The following TENM4 variants were observed in gnomAD, a reference collection of about 807,000 sequenced individuals.
TENM4 encodes teneurin-4.
In TENM4, 82 loss-of-function variants were observed where a neutral mutation model predicts 243.3. That is an observed-to-expected ratio of 0.34 (90% confidence interval 0.28 to 0.40). The LOEUF (loss-of-function observed/expected upper bound fraction) is 0.40. Ranked by LOEUF, TENM4 falls within the 10% of genes least tolerant of loss-of-function variation. The probability of loss-of-function intolerance (pLI) is 1.00; values close to 1 mark genes in which losing one functional copy is unlikely to be tolerated. For synonymous variants in TENM4, 1,412 were observed against 1,456.3 expected (o/e 0.97, Z 0.69); for missense variants, 3,138 against 3,673.3 (o/e 0.85, Z 3.77).
intron 12 of TENM4, among the ~76,000 whole-genome samples, chr11:78,842,155 C>T (rs544754944): frequency 1.3e-5 from 2 of 152,338 alleles, no homozygotes; most frequent in East Asian, 3.9e-4. Context: ...CAACAACTAA[C>T]TTCCACTGGG....
chr11:78,716,428 A>G (rs895921457), intron 25 of TENM4, among the ~76,000 whole-genome samples: 4 of 152,176 alleles, frequency 2.6e-5, no homozygotes, highest in Non-Finnish European at 5.9e-5. Context: ...TGTCTTTTGG[A>G]TGAAACCTTG....
At chr11:79,072,091 C>T (rs1199177124) in intron 4 of TENM4, among the ~76,000 whole-genome samples, 2 of 152,254 alleles carry the variant, frequency 1.3e-5, no homozygotes, top group East Asian at 3.9e-4. Context: ...AGATGATAGT[C>T]CTCTGAGTGT....
intron 16 of TENM4, 30 bp downstream of exon 16, chr11:78,786,868 A>C: frequency 6.3e-7 from 1 of 1,580,338 alleles, no homozygotes; most frequent in Non-Finnish European, 8.6e-7. Context: ...CAGACCAGAG[A>C]AGGTACCCGG....
At chr11:79,206,371 T>G (rs578248211) in intron 3 of TENM4, among the ~76,000 whole-genome samples, 3 of 152,322 alleles carry the variant, frequency 2.0e-5, no homozygotes, top group African/African-American at 7.2e-5. Context: ...GAGAGCTTTC[T>G]TCTAATTTGA....
At chr11:79,152,721 A>G (rs868512680) in intron 3 of TENM4, among the ~76,000 whole-genome samples, 6 of 152,202 alleles carry the variant, frequency 3.9e-5, no homozygotes, top group East Asian at 1.9e-4. Flanking sequence ...CTGATGTCCA[A>G]TGGATATGCA....
At chr11:79,342,308 G>T (rs761057659) in intron 1 of TENM4, among the ~76,000 whole-genome samples, 30 of 152,200 alleles carry the variant, frequency 2.0e-4, no homozygotes, top group Non-Finnish European at 3.1e-4. Context: ...GCGATGAGAT[G>T]AGGAGAGGGC....
At chr11:79,011,610 G>A (rs1201970408) in intron 6 of TENM4, among the ~76,000 whole-genome samples, 1 of 152,226 alleles carries the variant, frequency 6.6e-6, no homozygotes, top group Admixed American at 6.5e-5. Context: ...GGAACTGGCT[G>A]CTGGTTGGAA....
intron 2 of TENM4, among the ~76,000 whole-genome samples, chr11:79,250,965 T>C (rs774778916): frequency 6.6e-6 from 1 of 152,230 alleles, no homozygotes; most frequent in Non-Finnish European, 1.5e-5. Context: ...GGCAACATAG[T>C]AGACTGGTTT....
intron 32 of TENM4, among the ~76,000 whole-genome samples, chr11:78,668,343 T>C (rs967498540): frequency 2.0e-5 from 3 of 152,230 alleles, no homozygotes; most frequent in African/African-American, 7.2e-5. Flanking sequence ...TAATTATAGG[T>C]AGATGTTCTA....
intron 6 of TENM4, among the ~76,000 whole-genome samples, chr11:78,958,888 T>C (rs1348738672): frequency 6.6e-6 from 1 of 152,252 alleles, no homozygotes; most frequent in Non-Finnish European, 1.5e-5. Flanking sequence ...GGTCTCAAAT[T>C]GGTGGAAGGA....
chr11:79,347,602 A>G (rs184926079), intron 1 of TENM4, among the ~76,000 whole-genome samples: 1 of 151,732 alleles, frequency 6.6e-6, no homozygotes, highest in Admixed American at 6.6e-5. Context: ...AGACAGCCAC[A>G]CTCTCCAGAC....
At chr11:79,335,141 G>T (rs565225414) in intron 1 of TENM4, among the ~76,000 whole-genome samples, 4 of 152,194 alleles carry the variant, frequency 2.6e-5, no homozygotes, top group Non-Finnish European at 5.9e-5. Context: ...GCTCCCGGAG[G>T]ACAGGGATTG....
At chr11:78,732,686 G>T in intron 20 of TENM4, 109 bp from the exon 21 acceptor site, 1 of 1,312,224 alleles carries the variant, frequency 7.6e-7, no homozygotes, top group Non-Finnish European at 1.0e-6. Context: ...AAGGGTCTCA[G>T]CATTTCTTGA....
At chr11:78,810,910 C>T (rs1019613250) in intron 14 of TENM4, among the ~76,000 whole-genome samples, 3 of 152,136 alleles carry the variant, frequency 2.0e-5, no homozygotes, top group Non-Finnish European at 2.9e-5. Context: ...TAATGACAGG[C>T]ACACAGCATC....
chr11:79,184,463 G>T (rs994236106), intron 3 of TENM4, among the ~76,000 whole-genome samples: 1 of 151,088 alleles, frequency 6.6e-6, no homozygotes, highest in Non-Finnish European at 1.5e-5. Context: ...TATTGCTCTC[G>T]CTGGGCCTGC....
intron 6 of TENM4, among the ~76,000 whole-genome samples, chr11:79,005,672 T>G (rs563873268): frequency 1.3e-5 from 2 of 152,194 alleles, no homozygotes; most frequent in African/African-American, 4.8e-5. Flanking sequence ...GCATTTCCCC[T>G]GAGAGCAAGA....
intron 2 of TENM4, among the ~76,000 whole-genome samples, chr11:79,226,371 G>A (rs1454755164): frequency 6.6e-6 from 1 of 152,206 alleles, no homozygotes; most frequent in East Asian, 1.9e-4. Context: ...TAGCAGAGGG[G>A]GAGAGGGGTA....
rs1555005043 is a variant in TENM4, at chr11:79,083,956, A to AAT, written c.-65-13949_-65-13948dup. On this transcript the variant is annotated intron_variant, in intron 4 of 33. Coordinates refer to ENST00000278550, the MANE Select transcript of TENM4 (RefSeq NM_001098816.3). Reference sequence around the variant, plus strand: ...TAACAAAGGAAGGCCTAGTATCTAGAATATATATATATGTGTGTGTGTGTG... The same window carrying AAT: ...TAACAAAGGAAGGCCTAGTATCTAGAATATATATATATATGTGTGTGTGTGTG... Among the ~76,000 whole-genome samples, 509 of 151,422 alleles carry AAT rather than the reference A, an allele frequency of 3.4e-3. 1 individual carries two copies. The highest frequency in any genetic ancestry group is 5.2e-3 in the Non-Finnish European group (353 of 67,886).
chr11:78,851,571 G>C (rs1454080296), intron 12 of TENM4, among the ~76,000 whole-genome samples: 6 of 152,254 alleles, frequency 3.9e-5, no homozygotes, highest in Middle Eastern at 3.4e-3. Flanking sequence ...AAAGCACTTA[G>C]TTTTGAACAA....
Sources: gnomAD v4.1 joint callset for allele counts (sites outside exome capture counted in the v4.1 genomes callset) on GRCh38, gnomAD v4.1.1 for gene constraint, MANE v1.5 for transcripts, NCBI Gene and HGNC (gene_info 2026-07-23, HGNC 2026-07-21) for gene names.